MROH9: variants seen among roughly 807,000 people sequenced by gnomAD.
MROH9 encodes maestro heat-like repeat-containing protein family member 9.
A neutral mutation model predicts 98.2 loss-of-function variants in MROH9; 92 were observed. That is an observed-to-expected ratio of 0.94 (90% CI 0.79 to 1.11). MROH9 has a LOEUF of 1.11. MROH9 is among the 50% of genes most tolerant of loss of function. MROH9 has a pLI of 0.00. For synonymous variants in MROH9, 397 were observed against 368.9 expected (o/e 1.08, Z -0.87); for missense variants, 1,057 against 1,014.8 (o/e 1.04, Z -0.57).
chr1:171,025,301 T>C lies in MROH9; in HGVS notation c.2179-17T>C. On this transcript the variant is annotated splice_polypyrimidine_tract_variant and intron_variant, in intron 19 of 21. Transcript: ENST00000367759. ...TCAGCAATCGAGTGAGGTGCTTTTT[T>C]CCCTTTTTATTCTCAGATTATTTCT... 6.8e-7 allele frequency: 1 copy of C among 1,477,424 alleles called. No homozygotes were observed. Among genetic ancestry groups the C allele is most frequent in the Non-Finnish European group, 9.3e-7 (1 of 1,080,380 alleles). 91.5% of individuals were successfully genotyped at this position (1,477,424 alleles called of 1,614,324 possible).
chr1:170,988,770 C>G (rs1156849761), intron 10 of MROH9, among the ~76,000 whole-genome samples: 11 of 152,108 alleles, frequency 7.2e-5, no homozygotes, highest in African/African-American at 2.4e-4. Context: ...CCTAACACAT[C>G]AAATATTTCA....
intron 15 of MROH9, chr1:170,998,940 A>G (rs930027539): frequency 1.2e-5 from 2 of 172,826 alleles, no homozygotes; most frequent in Admixed American, 1.3e-4. Context: ...TATGAAAAGC[A>G]TACTGTTATA....
intron 19 of MROH9, 33 bp downstream of exon 19, chr1:171,024,798 A>G: frequency 7.8e-7 from 1 of 1,278,384 alleles, no homozygotes; most frequent in Non-Finnish European, 1.1e-6. Context: ...CTACTATAAG[A>G]GTTGTAGACA....
At chr1:171,020,611 T>C (rs1032726972) in intron 17 of MROH9, among the ~76,000 whole-genome samples, 2 of 152,116 alleles carry the variant, frequency 1.3e-5, no homozygotes, top group Non-Finnish European at 2.9e-5. Flanking sequence ...TTGGAACATA[T>C]TTCAAAATAA....
At chr1:171,011,860 C>G (rs1294269801) in intron 15 of MROH9, among the ~76,000 whole-genome samples, 2 of 151,868 alleles carry the variant, frequency 1.3e-5, no homozygotes, top group African/African-American at 2.4e-5. Flanking sequence ...GTGCAAAAGG[C>G]AATAGGCTTA....
In MROH9 at chr1:171,064,409, T is replaced by G. The variant is rs1440227855; in HGVS notation, c.*69T>G. Reference sequence around the variant, plus strand: ...TCCAACAATGTCTTGGAGCTGACCTTAGAAGAAGAATGATTTTTCTTTCCC... The same window carrying G: ...TCCAACAATGTCTTGGAGCTGACCTGAGAAGAAGAATGATTTTTCTTTCCC... On this transcript the variant is annotated 3_prime_UTR_variant, in exon 22 of 22. Coordinates refer to ENST00000367759, the MANE Select transcript of MROH9 (RefSeq NM_001163629.2). 2.8e-6 allele frequency: 4 copies of G among 1,411,642 alleles called. No individual in the cohort carries two copies. Among genetic ancestry groups the G allele is most frequent in the East Asian group, 2.6e-5 (1 of 38,802 alleles). The allele number at this position is 1,411,642 out of a possible 1,614,324, so 87.4% of individuals were successfully genotyped here. A position where few individuals can be genotyped will look rare whatever the true frequency, so the allele number is the denominator to read the frequency against.
rs150904915 is a variant in MROH9 at position 171,046,985 on chromosome 1, G to A, written c.2282-15147G>A. Reference sequence around the variant, plus strand: ...TCCTTCAGCACTTTGAATATGTCATGTCACTCTCTCATGGCCTGTAAGGGT... The same window carrying A: ...TCCTTCAGCACTTTGAATATGTCATATCACTCTCTCATGGCCTGTAAGGGT... On this transcript the variant is annotated intron_variant, in intron 20 of 21. Coordinates refer to ENST00000367759, the MANE Select transcript of MROH9 (RefSeq NM_001163629.2). Among the ~76,000 whole-genome samples the A allele has an allele frequency of 1.4e-3, 218 of 152,212 alleles. 1 individual carries two copies. Among genetic ancestry groups the A allele is most frequent in the African/African-American group, 4.6e-3 (191 of 41,552 alleles).
chr1:170,958,300 A>G (rs1649859138), intron 3 of MROH9, among the ~76,000 whole-genome samples, 161 bp from the exon 4 acceptor site: 1 of 152,218 alleles, frequency 6.6e-6, no homozygotes, highest in Admixed American at 6.5e-5. Flanking sequence ...TTTAAATTAC[A>G]GTTTGGTCTC....
At chr1:170,971,099 C>T (rs9427208) in intron 7 of MROH9, among the ~76,000 whole-genome samples, 31,538 of 152,060 alleles carry the variant, frequency 0.21, 3,303 homozygotes, top group Middle Eastern at 0.27. Flanking sequence ...TCTCTACTCC[C>T]TTCTCTGTTT....
At chr1:171,025,521 A>G (rs897328320) in intron 20 of MROH9, 101 bp downstream of exon 20, 12 of 731,812 alleles carry the variant, frequency 1.6e-5, no homozygotes, top group Non-Finnish European at 2.5e-5. Context: ...GTCTCTGTTT[A>G]TGAGGGACAG....
At chr1:171,000,754 A>T (rs934557055) in intron 15 of MROH9, among the ~76,000 whole-genome samples, 4 of 152,178 alleles carry the variant, frequency 2.6e-5, no homozygotes, top group African/African-American at 9.6e-5. Flanking sequence ...CTGACTTCAT[A>T]GAATGAATTA....
intron 20 of MROH9, 123 bp downstream of exon 20, chr1:171,025,543 G>T: frequency 1.6e-6 from 1 of 635,686 alleles, no homozygotes; most frequent in Non-Finnish European, 2.8e-6. Context: ...ACCTGTGATG[G>T]TGATGAATAC....
intron 1 of MROH9, among the ~76,000 whole-genome samples, chr1:170,937,869 T>C (rs566429763): frequency 1.3e-5 from 2 of 152,250 alleles, no homozygotes; most frequent in South Asian, 4.2e-4. Flanking sequence ...CATTCTGTAG[T>C]TTCTTTGCCT....
intron 20 of MROH9, among the ~76,000 whole-genome samples, chr1:171,056,730 G>T (rs1215392123): frequency 6.6e-6 from 1 of 152,128 alleles, no homozygotes; most frequent in East Asian, 1.9e-4. Context: ...CTGGCATCAG[G>T]TCAGTGCCCC....
At chr1:170,957,570 T>C (rs1300877204) in intron 3 of MROH9, among the ~76,000 whole-genome samples, 3 of 152,184 alleles carry the variant, frequency 2.0e-5, no homozygotes, top group Non-Finnish European at 2.9e-5. Context: ...TTAATTACTT[T>C]TGTATTATAG....
chr1:170,973,496 C>G (rs563537015), intron 8 of MROH9, among the ~76,000 whole-genome samples: 79 of 151,974 alleles, frequency 5.2e-4, no homozygotes, highest in African/African-American at 1.9e-3. Flanking sequence ...CCTACCAAAA[C>G]AAAGCTGAAG....
At position 170,981,780 on chromosome 1, in the gene MROH9, A is replaced by G. The variant is rs539460943; in HGVS notation, c.617-1642A>G. On this transcript the variant is annotated intron_variant, in intron 8 of 21. Coordinates refer to ENST00000367759, the MANE Select transcript of MROH9 (RefSeq NM_001163629.2). ...ACTCTCTATGAAAAAAGACAACCAA[A>G]TAAAAAATAAAAATGGATTTAAATA... Among the ~76,000 whole-genome samples the G allele has an allele frequency of 3.3e-5, 5 of 152,242 alleles. No homozygotes were observed. The East Asian group carries it at 9.6e-4, about 29-fold the overall frequency.
intron 10 of MROH9, among the ~76,000 whole-genome samples, chr1:170,989,036 T>G (rs1651253940): frequency 6.6e-6 from 1 of 152,160 alleles, no homozygotes; most frequent in Non-Finnish European, 1.5e-5. Flanking sequence ...CATTTATAAT[T>G]TTTTCTTTTG....
intron 20 of MROH9, among the ~76,000 whole-genome samples, chr1:171,059,961 T>C (rs1653963976): frequency 6.6e-6 from 1 of 151,748 alleles, no homozygotes; most frequent in South Asian, 2.1e-4. Context: ...AAAGGTTATA[T>C]ATGCACTCAC....
Sources: allele counts gnomAD v4.1 joint callset (sites outside exome capture counted in the v4.1 genomes callset), GRCh38; gene constraint gnomAD v4.1.1; transcripts MANE v1.5; gene names NCBI Gene and HGNC (gene_info 2026-07-23, HGNC 2026-07-21).